The following RBFOX3 variants were observed in gnomAD, a reference collection of about 807,000 sequenced individuals.
RBFOX3 encodes the protein RNA binding fox-1 homolog 3, also known as RNA binding protein fox-1 homolog 3.
In RBFOX3, 17 loss-of-function variants were observed where a neutral mutation model predicts 48.7. That is an observed-to-expected ratio of 0.35 (90% CI 0.24 to 0.52). RBFOX3 has a LOEUF of 0.52. Among genes scored for constraint, RBFOX3 ranks in the 20% least tolerant of loss-of-function variants. The pLI, the probability that RBFOX3 is intolerant of heterozygous loss-of-function variation, is 0.94. For missense variants in RBFOX3, 382 were observed against 497.5 expected (o/e 0.77, Z 2.21); for synonymous variants, 212 against 209.5 (o/e 1.01, Z -0.10).
intron 2 of RBFOX3, among the ~76,000 whole-genome samples, chr17:79,320,133 G>A (rs1036258422): frequency 2.0e-4 from 30 of 152,344 alleles, no homozygotes; most frequent in African/African-American, 7.0e-4. Context: ...TGGGAGGCTT[G>A]AGTGGCTGGT....
rs150292472 is a variant in RBFOX3 at position 79,363,194 on chromosome 17, G to A, written c.-174-55370C>T. Among the ~76,000 whole-genome samples, 5 of 152,334 alleles carry A rather than the reference G, an allele frequency of 3.3e-5. No individual in the cohort carries two copies. The highest frequency in any genetic ancestry group is 4.8e-5 in the African/African-American group (2 of 41,574). On this transcript the variant is annotated intron_variant, in intron 2 of 14. Coordinates refer to ENST00000693108, the MANE Select transcript of RBFOX3 (RefSeq NM_001350451.2). The surrounding 1 kb of genome is among the most constrained non-coding windows in gnomAD (Gnocchi z 4.7). ...TGAGGTGGCTCCTGCACTCCTGAGC[G>A]TGGCCAGGGGTTCTGTAGTGCCAGC...
chr17:79,143,154 G>A (rs1468778766), intron 4 of RBFOX3, among the ~76,000 whole-genome samples: 2 of 150,848 alleles, frequency 1.3e-5, no homozygotes, highest in African/African-American at 2.5e-5. Flanking sequence ...CCACAAGAAG[G>A]GGGGTCCCTG....
intron 12 of RBFOX3, 130 bp downstream of exon 12, chr17:79,096,523 G>T: frequency 1.3e-6 from 1 of 780,026 alleles, no homozygotes; most frequent in Non-Finnish European, 2.1e-6. Flanking sequence ...TGGCACCCTC[G>T]CCCTCCTGGC....
rs116618118 is a variant in RBFOX3 at position 79,379,825 on chromosome 17, C to T, written c.-174-72001G>A. On this transcript the variant is annotated intron_variant, in intron 2 of 14. Transcript: ENST00000693108. ...CCCCAAGATGCCATCCGGGTCCTCA[C>T]ATGTGACCTACAGTCCCCTCCCTCT... Among the ~76,000 whole-genome samples the T allele has an allele frequency of 7.5e-3, 1,148 of 152,258 alleles. 8 individuals carry two copies. The highest frequency in any genetic ancestry group is 0.027 in the African/African-American group (1,106 of 41,542).
chr17:79,111,829 T>G lies in RBFOX3; in HGVS notation c.222+3665A>C, dbSNP rs2031691306. On this transcript the variant is annotated intron_variant, in intron 5 of 14. Coordinates refer to ENST00000693108, the MANE Select transcript of RBFOX3 (RefSeq NM_001350451.2). The surrounding 1 kb of genome is among the most constrained non-coding windows in gnomAD (Gnocchi z 4.2). ...CGAGTGAGTGAATACATGCTCCAGA[T>G]GGTGACCCCTGCTGGGGAACACAGA... 6.6e-6 allele frequency among the ~76,000 whole-genome samples: 1 copy of G among 152,252 alleles called. No individual in the cohort carries two copies. The highest frequency in any genetic ancestry group is 2.4e-5 in the African/African-American group (1 of 41,476).
intron 3 of RBFOX3, among the ~76,000 whole-genome samples, chr17:79,275,555 G>A (rs949667239): frequency 2.6e-5 from 4 of 152,188 alleles, no homozygotes; most frequent in African/African-American, 7.2e-5. Flanking sequence ...TCCTTGAAGG[G>A]AAGTGAAGGA....
rs576243981 is a variant in RBFOX3 at position 79,160,332 on chromosome 17, G to A, written c.-33-44584C>T. Among the ~76,000 whole-genome samples, 16 of 152,372 alleles carry A rather than the reference G, an allele frequency of 1.1e-4. No individual in the cohort carries two copies. In the East Asian group the frequency reaches 1.4e-3, roughly 13 times the overall value. Reference sequence around the variant, plus strand: ...GCAGGCACTAAGGCAAGGCACGAGCGTGTGAGCGTGCAGCAGACAGCATGG... The same window carrying A: ...GCAGGCACTAAGGCAAGGCACGAGCATGTGAGCGTGCAGCAGACAGCATGG... On this transcript the variant is annotated intron_variant, in intron 4 of 14. Coordinates refer to ENST00000693108, the MANE Select transcript of RBFOX3 (RefSeq NM_001350451.2).
chr17:79,179,308 C>A (rs1038451312), intron 4 of RBFOX3, among the ~76,000 whole-genome samples: 3 of 152,250 alleles, frequency 2.0e-5, no homozygotes, highest in Admixed American at 6.5e-5. Context: ...CGTGCTCTGC[C>A]ATCAACAACT....
chr17:79,285,513 A>G (rs943576724), intron 3 of RBFOX3, among the ~76,000 whole-genome samples: 4 of 152,230 alleles, frequency 2.6e-5, no homozygotes, highest in African/African-American at 9.6e-5. Context: ...AAACCTTTCC[A>G]TCAAGTAGGT....
chr17:79,541,632 C>G (rs1453004084), intron 1 of RBFOX3, among the ~76,000 whole-genome samples: 1 of 152,180 alleles, frequency 6.6e-6, no homozygotes, highest in African/African-American at 2.4e-5. Context: ...CCAAGGCTCT[C>G]TCTGCACCCT....
chr17:79,304,956 C>T (rs987798968), intron 3 of RBFOX3, among the ~76,000 whole-genome samples: 3 of 152,176 alleles, frequency 2.0e-5, no homozygotes, highest in Admixed American at 6.5e-5. Context: ...TCCCTCCCAC[C>T]GCGTCTCACA....
chr17:79,348,539 C>T (rs1198114968), intron 2 of RBFOX3, among the ~76,000 whole-genome samples: 3 of 150,056 alleles, frequency 2.0e-5, no homozygotes, highest in African/African-American at 4.9e-5. Context: ...TTGCTGGTTA[C>T]CATCAGAACA....
At chr17:79,510,659 C>T (rs2149840983) in intron 1 of RBFOX3, among the ~76,000 whole-genome samples, 1 of 152,302 alleles carries the variant, frequency 6.6e-6, no homozygotes, top group Admixed American at 6.5e-5. Flanking sequence ...CTGCGCTCAC[C>T]TCAGAACCAC....
intron 3 of RBFOX3, among the ~76,000 whole-genome samples, chr17:79,264,861 G>T (rs980214131): frequency 5.9e-5 from 9 of 152,046 alleles, no homozygotes; most frequent in African/African-American, 4.8e-5. Context: ...CCGCTGGAAG[G>T]TTCTGCTCCC....
chr17:79,495,981 C>T lies in RBFOX3; in HGVS notation c.-319-13383G>A, dbSNP rs939127258. On this transcript the variant is annotated intron_variant, in intron 1 of 14. Coordinates refer to ENST00000693108, the MANE Select transcript of RBFOX3 (RefSeq NM_001350451.2). ...GTGCAGAAACATGCAGAAGCATGGC[C>T]CCTGGTTAATAAGATTAGGATGTTG... Among the ~76,000 whole-genome samples, 130 of 152,018 alleles carry T rather than the reference C, an allele frequency of 8.6e-4. 2 individuals carry two copies. The highest frequency in any genetic ancestry group is 3.1e-3 in the African/African-American group (130 of 41,438).
intron 5 of RBFOX3, among the ~76,000 whole-genome samples, chr17:79,114,488 G>A (rs1328988468): frequency 6.6e-6 from 1 of 152,238 alleles, no homozygotes; most frequent in Non-Finnish European, 1.5e-5. Context: ...CAGAGGGCCT[G>A]GGTGACGCTG....
At chr17:79,486,472 CTTCTGGGAGGTCAGTTGGGGAA>C (rs2079622360) in intron 1 of RBFOX3, among the ~76,000 whole-genome samples, 1 of 152,192 alleles carries the variant, frequency 6.6e-6, no homozygotes, top group East Asian at 1.9e-4. Context: ...AACTCCCCTT[CTTCTGGGAGGTCAGTTGGGGAA>C]TTCTGAGATC....
intron 5 of RBFOX3, among the ~76,000 whole-genome samples, chr17:79,109,076 C>A (rs978000955): frequency 2.0e-5 from 3 of 152,248 alleles, no homozygotes; most frequent in Non-Finnish European, 4.4e-5. Flanking sequence ...TGTCCCAATT[C>A]CGACAAGCAT....
chr17:79,150,449 G>C (rs1012098023), intron 4 of RBFOX3, among the ~76,000 whole-genome samples: 3 of 152,130 alleles, frequency 2.0e-5, no homozygotes, highest in African/African-American at 7.2e-5. Context: ...CCCAGCCCAG[G>C]AGGTTCCTTC....
Sources: allele counts gnomAD v4.1 joint callset (sites outside exome capture counted in the v4.1 genomes callset), GRCh38; gene constraint gnomAD v4.1.1; non-coding constraint Gnocchi (gnomAD v3.1); transcripts MANE v1.5; gene names NCBI Gene and HGNC (gene_info 2026-07-23, HGNC 2026-07-21).